Variants in CTNNA3 observed in about 807,000 individuals in gnomAD.
CTNNA3 encodes catenin alpha 3.
In CTNNA3, 76 loss-of-function variants were observed where a neutral mutation model predicts 95.7. That is an observed-to-expected ratio of 0.79 (90% CI 0.66 to 0.96). The LOEUF (loss-of-function observed/expected upper bound fraction) is 0.96. Among genes scored for constraint, CTNNA3 ranks in the 40% least tolerant of loss-of-function variants. CTNNA3 has a pLI of 0.00. For missense variants in CTNNA3, 1,191 were observed against 1,089.8 expected, an observed-to-expected ratio of 1.09 and a Z score of -1.31; for synonymous variants, 431 against 374.4, an observed-to-expected ratio of 1.15 and a Z score of -1.74.
In CTNNA3 at chr10:65,956,727, G is replaced by C. The variant is rs528388659; in HGVS notation, c.2400+9885C>G. Among the ~76,000 whole-genome samples, 7 of 152,294 alleles carry C rather than the reference G, an allele frequency of 4.6e-5. No individual in the cohort carries two copies. In the East Asian group the frequency reaches 9.7e-4, roughly 21 times the overall value. The stretch of plus-strand genomic sequence containing the variant: ...GTGAGTTTCTTAATCCTGAGTCCTA[G>C]TTTGATTGCACTGTGGTCTGAGAGA... On this transcript the variant is annotated intron_variant, in intron 17 of 17. Transcript: ENST00000433211.
At position 67,632,437 on chromosome 10, in the gene CTNNA3, A is replaced by C. The variant is rs1488172659; in HGVS notation, c.99+14978T>G. Among the ~76,000 whole-genome samples, 4 of 152,082 alleles carry C rather than the reference A, an allele frequency of 2.6e-5. 1 individual carries two copies. Among genetic ancestry groups the C allele is most frequent in the Non-Finnish European group, 5.9e-5 (4 of 68,024 alleles). On this transcript the variant is annotated intron_variant, in intron 2 of 17. Coordinates refer to ENST00000433211, the MANE Select transcript of CTNNA3 (RefSeq NM_013266.4). Reference sequence around the variant, plus strand: ...AAGCAGCTGCGGTCTGCGCACTCAGAGAGGAAGGAAAGGAGCAAGTGAATT... The same window carrying C: ...AAGCAGCTGCGGTCTGCGCACTCAGCGAGGAAGGAAAGGAGCAAGTGAATT...
chr10:65,988,918 G>T, intron 15 of CTNNA3, 121 bp from the exon 16 acceptor site: 1 of 634,408 alleles, frequency 1.6e-6, no homozygotes, highest in Non-Finnish European at 2.7e-6. Context: ...TAAAATATTC[G>T]CATCCCAAAG....
At chr10:67,568,725 C>T (rs982736109) in intron 3 of CTNNA3, among the ~76,000 whole-genome samples, 8 of 151,974 alleles carry the variant, frequency 5.3e-5, no homozygotes, top group South Asian at 4.1e-4. Context: ...TTTTTGTTAA[C>T]GATTCCTAAG....
intron 7 of CTNNA3, among the ~76,000 whole-genome samples, chr10:67,088,950 T>C (rs913428042): frequency 6.6e-6 from 1 of 152,032 alleles, no homozygotes; most frequent in Non-Finnish European, 1.5e-5. Flanking sequence ...CAATTAAAAT[T>C]AATACGAATA....
At chr10:67,062,832 C>G (rs2133225370) in intron 7 of CTNNA3, among the ~76,000 whole-genome samples, 1 of 152,294 alleles carries the variant, frequency 6.6e-6, no homozygotes, top group Middle Eastern at 3.4e-3. Context: ...TTTCCTCCAA[C>G]AACAGCTGGA....
rs557672575 is a variant in CTNNA3 at position 66,329,400 on chromosome 10, GCACCCTTACAGTGTAA to G, written c.1733-48795_1733-48780del. On this transcript the variant is annotated intron_variant, in intron 12 of 17. Transcript: ENST00000433211. ...ATTCAAATGCAAATCTCAGCCAGAA[GCACCCTTACAGTGTAA>G]CACCCCAAAACAATGTTTCTCCTGG... is the stretch of plus-strand genomic sequence containing the variant. 2.4e-4 allele frequency among the ~76,000 whole-genome samples: 37 copies of G among 152,104 alleles called. No individual in the cohort carries two copies. In the East Asian group the frequency reaches 4.6e-3, roughly 19 times the overall value.
intron 5 of CTNNA3, among the ~76,000 whole-genome samples, chr10:67,363,760 C>T (rs1307816264): frequency 1.3e-5 from 2 of 152,084 alleles, no homozygotes; most frequent in Non-Finnish European, 2.9e-5. Context: ...TACACTCTCC[C>T]AAGACTAAAC....
chr10:67,097,886 C>A, intron 7 of CTNNA3: 5 of 1,097,018 alleles, frequency 4.6e-6, no homozygotes, highest in Non-Finnish European at 5.4e-6. Context: ...ACTCTAAAAA[C>A]AAAACAAAAC....
intron 1 of CTNNA3, among the ~76,000 whole-genome samples, chr10:67,719,436 T>TA (rs1433987277): frequency 6.6e-6 from 1 of 151,902 alleles, no homozygotes; most frequent in African/African-American, 2.4e-5. Flanking sequence ...TGTGGGCCTT[T>TA]AGTGCTATAA....
chr10:66,687,275 A>C (rs746397804), intron 9 of CTNNA3, among the ~76,000 whole-genome samples: 17 of 152,236 alleles, frequency 1.1e-4, no homozygotes, highest in Admixed American at 2.0e-4. Flanking sequence ...GGAAACACTC[A>C]AGATATATAT....
intron 7 of CTNNA3, among the ~76,000 whole-genome samples, chr10:66,857,692 A>T: frequency 6.6e-6 from 1 of 151,718 alleles, no homozygotes; most frequent in East Asian, 1.9e-4. Context: ...TTCATTCTTG[A>T]TTTGCCTCTC....
chr10:66,748,548 T>A (rs1044657582), intron 9 of CTNNA3, among the ~76,000 whole-genome samples: 1 of 152,190 alleles, frequency 6.6e-6, no homozygotes. Flanking sequence ...TGATCAGAGA[T>A]AAATTAAAAT....
At position 66,481,326 on chromosome 10, in the gene CTNNA3, T is replaced by C. The variant is rs189711391; in HGVS notation, c.1531+39291A>G. 1.1e-4 allele frequency among the ~76,000 whole-genome samples: 16 copies of C among 152,200 alleles called. No individual in the cohort carries two copies. The East Asian group carries it at 3.1e-3, about 29-fold the overall frequency. ...AGATTATTTAAAAATCAGATATTAT[T>C]GACAAAACTAAAAATAAATGAACAA... On this transcript the variant is annotated intron_variant, in intron 11 of 17. Coordinates refer to ENST00000433211, the MANE Select transcript of CTNNA3 (RefSeq NM_013266.4).
At chr10:67,721,861 T>C (rs1841181454) in intron 1 of CTNNA3, among the ~76,000 whole-genome samples, 1 of 152,194 alleles carries the variant, frequency 6.6e-6, no homozygotes. Context: ...GTCCTTTTTG[T>C]TGATGTTGAT....
chr10:66,951,731 G>GT (rs1380221477), intron 7 of CTNNA3, among the ~76,000 whole-genome samples: 12 of 152,088 alleles, frequency 7.9e-5, no homozygotes. Flanking sequence ...TTGACCTGCT[G>GT]TTTGTTCAGA....
chr10:66,508,334 A>T (rs1840537907), intron 11 of CTNNA3, among the ~76,000 whole-genome samples: 1 of 151,654 alleles, frequency 6.6e-6, no homozygotes, highest in African/African-American at 2.4e-5. Flanking sequence ...TCCTATTTAG[A>T]AACGGCGTTC....
At chr10:66,819,951 T>G (rs1218681226) in intron 7 of CTNNA3, among the ~76,000 whole-genome samples, 1 of 152,028 alleles carries the variant, frequency 6.6e-6, no homozygotes, top group African/African-American at 2.4e-5. Context: ...TTCATATAGT[T>G]ACCAGCTCAT....
chr10:66,022,966 G>C (rs1038719014), intron 15 of CTNNA3, among the ~76,000 whole-genome samples: 2 of 152,110 alleles, frequency 1.3e-5, no homozygotes, highest in African/African-American at 4.8e-5. Context: ...CTCCCTCATT[G>C]TTTTCCCATA....
rs950344899 is a variant in CTNNA3, at chr10:67,626,643, G to A, written c.100-19594C>T. Among the ~76,000 whole-genome samples the A allele has an allele frequency of 2.2e-4, 33 of 152,246 alleles. 1 individual carries two copies. The highest frequency in any genetic ancestry group is 7.9e-4 in the African/African-American group (33 of 41,558). On this transcript the variant is annotated intron_variant, in intron 2 of 17. Transcript: ENST00000433211. ...CTGACTCCCTGTTTTGGGGTTCTCTGTTTTCCTCATGGAGACTCAAAAGTC... is the reference window on the plus strand; with the variant it reads ...CTGACTCCCTGTTTTGGGGTTCTCTATTTTCCTCATGGAGACTCAAAAGTC...
Sources: allele counts gnomAD v4.1 joint callset (sites outside exome capture counted in the v4.1 genomes callset), GRCh38; gene constraint gnomAD v4.1.1; transcripts MANE v1.5; gene names NCBI Gene and HGNC (gene_info 2026-07-23, HGNC 2026-07-21).